Variants in PARD3B observed in about 807,000 individuals in gnomAD.
PARD3B encodes partitioning defective 3 homolog B.
PARD3B carries 103 observed loss-of-function variants against 130.2 expected under a neutral mutation model. That is an observed-to-expected ratio of 0.79 (90% CI 0.67 to 0.93). The LOEUF (loss-of-function observed/expected upper bound fraction) is 0.93. PARD3B is among the 40% of genes least tolerant of loss of function. The pLI, the probability that PARD3B is intolerant of heterozygous loss-of-function variation, is 0.00. For synonymous variants in PARD3B, 583 were observed against 553.2 expected, an observed-to-expected ratio of 1.05 and a Z score of -0.76; for missense variants, 1,609 against 1,499.2, an observed-to-expected ratio of 1.07 and a Z score of -1.21.
chr2:204,618,657 A>T (rs2034192871), intron 1 of PARD3B, among the ~76,000 whole-genome samples: 1 of 152,204 alleles, frequency 6.6e-6, no homozygotes, highest in Non-Finnish European at 1.5e-5. Context: ...CTAATTTCCT[A>T]ATGTGACTTA....
rs546594752 is a variant in PARD3B at position 204,773,400 on chromosome 2, T to A, written c.222+87118T>A. On this transcript the variant is annotated intron_variant, in intron 2 of 22. Transcript: ENST00000406610. ...TGCAAATATTTGCATATATATATAT[T>A]TTTTTTCTTAGAGATAGCTGTAACA... is the stretch of plus-strand genomic sequence containing the variant. Among the ~76,000 whole-genome samples the A allele has an allele frequency of 1.8e-3, 280 of 151,390 alleles. 1 individual carries two copies. The highest frequency in any genetic ancestry group is 5.2e-3 in the African/African-American group (213 of 41,312).
intron 1 of PARD3B, among the ~76,000 whole-genome samples, chr2:204,572,352 C>A (rs1457893586): frequency 6.6e-6 from 1 of 151,962 alleles, no homozygotes; most frequent in African/African-American, 2.4e-5. Context: ...GAATGAGGGG[C>A]AGAGTAGCAG....
intron 21 of PARD3B, among the ~76,000 whole-genome samples, chr2:205,503,988 T>G (rs1347432982): frequency 1.3e-5 from 2 of 152,184 alleles, no homozygotes; most frequent in East Asian, 3.9e-4. Context: ...CTGTTATTGG[T>G]GTATAAGAAT....
chr2:204,829,517 A>G (rs1220153530), intron 2 of PARD3B, among the ~76,000 whole-genome samples: 1 of 152,184 alleles, frequency 6.6e-6, no homozygotes, highest in Non-Finnish European at 1.5e-5. Flanking sequence ...ATGTTAGTAA[A>G]TAAAGTGAGA....
intron 15 of PARD3B, among the ~76,000 whole-genome samples, chr2:205,240,772 C>G (rs72940314): frequency 6.6e-6 from 1 of 151,972 alleles, no homozygotes; most frequent in Non-Finnish European, 1.5e-5. Flanking sequence ...TTATAGAATG[C>G]GTATCAAATG....
intron 21 of PARD3B, among the ~76,000 whole-genome samples, chr2:205,527,216 T>C (rs1162209251): frequency 6.6e-6 from 1 of 152,144 alleles, no homozygotes; most frequent in African/African-American, 2.4e-5. Context: ...AAACACTCTA[T>C]TTGGAAACAC....
intron 2 of PARD3B, among the ~76,000 whole-genome samples, chr2:204,940,605 G>A (rs72940469): frequency 0.07 from 10,639 of 152,028 alleles, 451 homozygotes; most frequent in Non-Finnish European, 0.096. Flanking sequence ...AGGGAAATTA[G>A]TACTATTATT....
chr2:205,159,011 T>G (rs569881997), intron 11 of PARD3B, 104 bp downstream of exon 11: 1 of 1,260,978 alleles, frequency 7.9e-7, no homozygotes, highest in East Asian at 2.4e-5. Flanking sequence ...TTGAGGCCAC[T>G]GAGACTTTCC....
chr2:205,165,310 G>T (rs1158850328), intron 11 of PARD3B, among the ~76,000 whole-genome samples: 1 of 152,030 alleles, frequency 6.6e-6, no homozygotes, highest in Admixed American at 6.6e-5. Flanking sequence ...ATTTCTGATG[G>T]TTTGAAGTCA....
intron 2 of PARD3B, among the ~76,000 whole-genome samples, chr2:204,853,312 T>A (rs961364546): frequency 6.6e-6 from 1 of 152,162 alleles, no homozygotes; most frequent in Non-Finnish European, 1.5e-5. Context: ...TCACTCACCT[T>A]AGGGAGTCAA....
rs768097618 is a variant in PARD3B, at chr2:205,121,624, T to C, written c.840T>C (p.Ser280=). 6.2e-7 allele frequency: 1 copy of C among 1,613,982 alleles called. No homozygotes were observed. Among genetic ancestry groups the C allele is most frequent in the Non-Finnish European group, 8.5e-7 (1 of 1,179,884 alleles). Reference sequence around the variant, plus strand: ...ATGTCTTCCGCCAGGCAATGAAATCTCCAAGTGTGCTCCTCCACGTGCTTC... The same window carrying C: ...ATGTCTTCCGCCAGGCAATGAAATCCCCAAGTGTGCTCCTCCACGTGCTTC... ...AQDVFRQAMK[S]PSVLLHVLPP... is the part of the protein sequence containing the mutation. The change falls in exon 8 of 23, where the codon TCT becomes TCC. Residue 280 remains serine, a synonymous_variant. Transcript: ENST00000406610. This position sits in a 1 kb window ranked among gnomAD's most constrained non-coding sequence, Gnocchi z 5.0.
At chr2:204,790,273 A>G (rs751720271) in intron 2 of PARD3B, among the ~76,000 whole-genome samples, 2 of 152,224 alleles carry the variant, frequency 1.3e-5, no homozygotes, top group African/African-American at 2.4e-5. Context: ...GTTAAAAACA[A>G]GATAGTCAGG....
intron 2 of PARD3B, among the ~76,000 whole-genome samples, chr2:204,778,845 T>C (rs1387365433): frequency 6.6e-6 from 1 of 152,106 alleles, no homozygotes; most frequent in Non-Finnish European, 1.5e-5. Flanking sequence ...GTGCCAGTCA[T>C]CCTATGCGTA....
chr2:204,597,126 AC>A, intron 1 of PARD3B, among the ~76,000 whole-genome samples: 1 of 151,984 alleles, frequency 6.6e-6, no homozygotes, highest in Admixed American at 6.6e-5. Flanking sequence ...AGCTTGTCTA[AC>A]TCATTGGCTT....
At chr2:205,398,267 C>T (rs2046105016) in intron 18 of PARD3B, among the ~76,000 whole-genome samples, 1 of 152,074 alleles carries the variant, frequency 6.6e-6, no homozygotes, top group African/African-American at 2.4e-5. Context: ...CATCATTGCA[C>T]TCCAACCTCA....
chr2:204,757,189 T>A (rs2040713351), intron 2 of PARD3B, among the ~76,000 whole-genome samples: 1 of 152,204 alleles, frequency 6.6e-6, no homozygotes, highest in African/African-American at 2.4e-5. Context: ...TGATTCTATG[T>A]CTTTGCTGTT....
intron 18 of PARD3B, among the ~76,000 whole-genome samples, chr2:205,312,253 A>T (rs924093261): frequency 6.6e-6 from 1 of 152,190 alleles, no homozygotes; most frequent in African/African-American, 2.4e-5. Context: ...AGCCAGGCCA[A>T]TGAAATTTTA....
At chr2:204,577,445 C>T (rs1449295928) in intron 1 of PARD3B, among the ~76,000 whole-genome samples, 1 of 152,218 alleles carries the variant, frequency 6.6e-6, no homozygotes, top group Non-Finnish European at 1.5e-5. Flanking sequence ...GTTCCAAGCC[C>T]AGCCTGTCTG....
In PARD3B at chr2:205,299,128, G is replaced by A. The variant is rs1200771027; in HGVS notation, c.2186-1402G>A. ...TATGTTGACTATTTTTAACACGTTC[G>A]GATCATAGGTAAAGGTGTGTATTGC... On this transcript the variant is annotated intron_variant, in intron 16 of 22. Coordinates refer to ENST00000406610, the MANE Select transcript of PARD3B (RefSeq NM_001302769.2). 3.3e-5 allele frequency among the ~76,000 whole-genome samples: 5 copies of A among 152,066 alleles called. No individual in the cohort carries two copies. In the South Asian group the frequency reaches 8.3e-4, roughly 25 times the overall value.
Sources: allele counts gnomAD v4.1 joint callset (sites outside exome capture counted in the v4.1 genomes callset), GRCh38; gene constraint gnomAD v4.1.1; non-coding constraint Gnocchi (gnomAD v3.1); transcripts MANE v1.5; gene names NCBI Gene and HGNC (gene_info 2026-07-23, HGNC 2026-07-21).